The following FAM163B variants were observed in gnomAD, a reference collection of about 807,000 sequenced individuals.
The protein encoded by FAM163B is family with sequence similarity 163 member B, also known as protein FAM163B.
In FAM163B, 4 loss-of-function variants were observed where a neutral mutation model predicts 7.6. The ratio of observed to expected loss-of-function variants is 0.52; its 90% CI spans 0.26 to 1.20. FAM163B has a LOEUF of 1.20. Ranked by LOEUF, FAM163B falls within the 50% of genes most tolerant of loss-of-function variation. The pLI, the probability that FAM163B is intolerant of heterozygous loss-of-function variation, is 0.14. For synonymous variants in FAM163B, 120 were observed against 111.6 expected, an observed-to-expected ratio of 1.07 and a Z score of -0.47; for missense variants, 250 against 243.0, an observed-to-expected ratio of 1.03 and a Z score of -0.19.
intron 1 of FAM163B, among the ~76,000 whole-genome samples, chr9:133,597,317 A>G (rs1240533674): frequency 2.6e-5 from 4 of 152,228 alleles, no homozygotes; most frequent in Admixed American, 1.3e-4. Context: ...ACTTCTAGAG[A>G]TGAAAACATG....
chr9:133,579,250 G>A lies in FAM163B; in HGVS notation c.273C>T (p.Cys91=). ...SQKSPQARAL[C]RSCSHCEPPT... is the part of the protein sequence containing the mutation. ...GGGGCTCGCAGTGGGAGCAGCTGCG[G>A]CAGAGGGCGCGGGCCTGCGGGGACT... Residue 91 remains cysteine, a synonymous_variant, in exon 3 of 3, where the codon TGC becomes TGT. Transcript: ENST00000673969. The A allele has an allele frequency of 6.2e-7, 1 of 1,612,180 alleles. No individual in the cohort carries two copies. The highest frequency in any genetic ancestry group is 1.1e-5 in the South Asian group (1 of 90,988).
intron 1 of FAM163B, among the ~76,000 whole-genome samples, chr9:133,587,213 C>T (rs1255780494): frequency 5.3e-5 from 8 of 152,164 alleles, no homozygotes; most frequent in South Asian, 2.1e-4. Flanking sequence ...TTCAGCTGAC[C>T]GGCGACCAGG....
intron 1 of FAM163B, among the ~76,000 whole-genome samples, chr9:133,581,979 C>A (rs1294284850): frequency 1.3e-5 from 2 of 152,220 alleles, no homozygotes; most frequent in African/African-American, 4.8e-5. Context: ...ATCCTTCTTT[C>A]CACGTTTATG....
rs950567161 is a variant in FAM163B, at chr9:133,601,986, G to A, written c.-24+7091C>T. Among the ~76,000 whole-genome samples the A allele has an allele frequency of 5.9e-5, 9 of 152,202 alleles. No individual in the cohort carries two copies. The highest frequency in any genetic ancestry group is 2.2e-4 in the African/African-American group (9 of 41,462). On this transcript the variant is annotated intron_variant, in intron 1 of 2. Transcript: ENST00000673969. This position sits in a 1 kb window ranked among gnomAD's most constrained non-coding sequence, Gnocchi z 4.1. ...AGCAGGGAAGCTGGGGGCTGGCAGG[G>A]TCTGTCCTGGGTGGGGCTCCACGGG...
chr9:133,595,167 A>G (rs1230418906), intron 1 of FAM163B, among the ~76,000 whole-genome samples: 1 of 152,064 alleles, frequency 6.6e-6, no homozygotes, highest in Non-Finnish European at 1.5e-5. Context: ...TGTTTTTGAG[A>G]CGGAGTCTCC....
intron 1 of FAM163B, chr9:133,586,329 GC>G (rs1432490644): frequency 1.3e-5 from 2 of 152,348 alleles, no homozygotes; most frequent in African/African-American, 2.4e-5. Flanking sequence ...GTTCTGAGGG[GC>G]TTGCGGTCTG....
chr9:133,608,892 C>T (rs926046350), intron 1 of FAM163B, among the ~76,000 whole-genome samples, 185 bp downstream of exon 1: 3 of 152,236 alleles, frequency 2.0e-5, no homozygotes, highest in Non-Finnish European at 4.4e-5. Context: ...CAGTCTCCTC[C>T]TCGGGGATGC....
intron 1 of FAM163B, among the ~76,000 whole-genome samples, chr9:133,582,511 C>T (rs1165712261): frequency 6.6e-6 from 1 of 152,194 alleles, no homozygotes; most frequent in Non-Finnish European, 1.5e-5. Flanking sequence ...CACCCTACCC[C>T]GACTGCTGAA....
At chr9:133,590,097 TTCCCCTTCCCTTCCCC>T (rs1564193529) in intron 1 of FAM163B, among the ~76,000 whole-genome samples, 528 of 14,742 alleles carry the variant, frequency 0.036, 92 homozygotes, top group Non-Finnish European at 0.048. Flanking sequence ...TCCCTTCCCC[TTCCCCTTCCCTTCCCC>T]TCCCCTTCCC....
At chr9:133,598,411 A>G (rs899276662) in intron 1 of FAM163B, among the ~76,000 whole-genome samples, 5 of 145,334 alleles carry the variant, frequency 3.4e-5, no homozygotes, top group Admixed American at 1.4e-4. Context: ...AGTGCATTTG[A>G]AAAAAAAAAA....
chr9:133,579,638 A>T (rs907280536), intron 2 of FAM163B, among the ~76,000 whole-genome samples: 137 of 152,336 alleles, frequency 9.0e-4, no homozygotes, highest in African/African-American at 2.8e-3. Flanking sequence ...CGATCCACTC[A>T]TCTCTTCCGC....
chr9:133,586,934 G>A (rs893706775), intron 1 of FAM163B, among the ~76,000 whole-genome samples: 5 of 152,308 alleles, frequency 3.3e-5, no homozygotes, highest in South Asian at 2.1e-4. Flanking sequence ...AGGTGGTGGC[G>A]TGAACTGAGG....
chr9:133,578,911 A>T lies in FAM163B; in HGVS notation c.*111T>A. 2.8e-6 allele frequency: 4 copies of T among 1,433,028 alleles called. No homozygotes were observed. In the South Asian group the frequency reaches 4.5e-5, roughly 16 times the overall value. The allele number at this position is 1,433,028 out of a possible 1,614,324, so 88.8% of individuals were successfully genotyped here. ...GGCCTCCCCTGAGGACAGGGATTCC[A>T]GGAGGGCTCAGCCAAGCCCCACTTG... On this transcript the variant is annotated 3_prime_UTR_variant, in exon 3 of 3. Transcript: ENST00000673969.
At chr9:133,592,605 C>T (rs111408994) in intron 1 of FAM163B, among the ~76,000 whole-genome samples, 48 of 152,346 alleles carry the variant, frequency 3.2e-4, no homozygotes, top group African/African-American at 1.1e-3. Flanking sequence ...CTGCCCTCTG[C>T]CAACTCGCAG....
intron 1 of FAM163B, among the ~76,000 whole-genome samples, chr9:133,590,166 C>CTTT: frequency 8.6e-6 from 1 of 116,314 alleles, no homozygotes; most frequent in Non-Finnish European, 1.8e-5. Context: ...CCTCCCCTTC[C>CTTT]CCTCCCCTTC....
chr9:133,580,257 C>A lies in FAM163B; in HGVS notation c.-23-11G>T. 1.3e-6 allele frequency: 2 copies of A among 1,576,864 alleles called. No homozygotes were observed. ...TTCTCCATCAACAGCCTGCAACACA[C>A]GCCGCCAGCTTTAGAGCATCACGCT... On this transcript the variant is annotated splice_polypyrimidine_tract_variant and intron_variant, in intron 1 of 2. Coordinates refer to ENST00000673969, the MANE Select transcript of FAM163B (RefSeq NM_001080515.3).
intron 1 of FAM163B, among the ~76,000 whole-genome samples, chr9:133,593,354 C>T (rs527857549): frequency 6.6e-6 from 1 of 152,258 alleles, no homozygotes; most frequent in South Asian, 2.1e-4. Context: ...CTGAGTAGCT[C>T]CAGAGTCCAG....
chr9:133,601,466 T>C lies in FAM163B; in HGVS notation c.-24+7611A>G, dbSNP rs756429193. On this transcript the variant is annotated intron_variant, in intron 1 of 2. Transcript: ENST00000673969. The surrounding 1 kb of genome is among the most constrained non-coding windows in gnomAD (Gnocchi z 4.1). ...AAACTGGTCATGCTGTCAATACAAA[T>C]AGCAGCATTAACCACAGGGGCCTGG... is the stretch of plus-strand genomic sequence containing the variant. 2.6e-5 allele frequency among the ~76,000 whole-genome samples: 4 copies of C among 152,120 alleles called. No individual in the cohort carries two copies. Among genetic ancestry groups the C allele is most frequent in the Non-Finnish European group, 4.4e-5 (3 of 68,012 alleles).
At chr9:133,588,736 G>T (rs1463232411) in intron 1 of FAM163B, among the ~76,000 whole-genome samples, 5 of 27,860 alleles carry the variant, frequency 1.8e-4, no homozygotes, top group Non-Finnish European at 4.0e-4. Context: ...TCATTGTGCA[G>T]TTGGGTGGCT....
Sources: allele counts gnomAD v4.1 joint callset (sites outside exome capture counted in the v4.1 genomes callset), GRCh38; gene constraint gnomAD v4.1.1; non-coding constraint Gnocchi (gnomAD v3.1); transcripts MANE v1.5; gene names NCBI Gene and HGNC (gene_info 2026-07-23, HGNC 2026-07-21).